ANK2: variants seen among roughly 807,000 people sequenced by gnomAD.
The protein encoded by ANK2 is ankyrin 2, also known as ankyrin-2.
ANK2 carries 83 observed loss-of-function variants against 360.5 expected under a neutral mutation model. The ratio of observed to expected loss-of-function variants is 0.23; its 90% confidence interval spans 0.19 to 0.28. The LOEUF (loss-of-function observed/expected upper bound fraction) is 0.28. ANK2 is among the 10% of genes least tolerant of loss of function. The pLI is 1.00. For missense variants in ANK2, 4,201 were observed against 4,795.7 expected (o/e 0.88, Z 3.66); for synonymous variants, 1,740 against 1,759.5 (o/e 0.99, Z 0.28).
intron 2 of ANK2, among the ~76,000 whole-genome samples, chr4:112,937,328 CT>C (rs10712090): frequency 0.34 from 46,914 of 138,242 alleles, 10,032 homozygotes; most frequent in East Asian, 0.63. Flanking sequence ...CAATTATTGT[CT>C]TTTTTTTTTT....
chr4:112,837,281 C>A (rs933234845), intron 1 of ANK2, among the ~76,000 whole-genome samples: 5 of 152,336 alleles, frequency 3.3e-5, no homozygotes, highest in Middle Eastern at 3.4e-3. Context: ...CCTGTGGGTA[C>A]ACAGAGGCAA....
chr4:113,379,513 T>C (rs1047684726), intron 45 of ANK2, among the ~76,000 whole-genome samples: 2 of 152,184 alleles, frequency 1.3e-5, no homozygotes, highest in African/African-American at 2.4e-5. Flanking sequence ...TCACGAAATG[T>C]CCTATAATGG....
chr4:113,345,304 C>T (rs2094718722), intron 34 of ANK2, among the ~76,000 whole-genome samples: 1 of 152,034 alleles, frequency 6.6e-6, no homozygotes, highest in Non-Finnish European at 1.5e-5. Flanking sequence ...CAATGGGGAG[C>T]TATTGTTCAA....
intron 1 of ANK2, among the ~76,000 whole-genome samples, chr4:112,850,463 T>TC (rs1553943749): frequency 7.9e-6 from 1 of 127,354 alleles, no homozygotes; most frequent in African/African-American, 3.0e-5. Flanking sequence ...TTTTTTTTTT[T>TC]CATAGTGCCT....
At chr4:112,811,092 T>C in the ANK2 span, among the ~76,000 whole-genome samples, 6 of 151,880 alleles carry the variant, frequency 4.0e-5, no homozygotes, top group Middle Eastern at 3.2e-3. Flanking sequence ...CCTGCCACCA[T>C]GCCCGCTAAT....
intron 36 of ANK2, among the ~76,000 whole-genome samples, chr4:113,348,753 A>G (rs777820708): frequency 2.6e-5 from 4 of 152,114 alleles, no homozygotes; most frequent in Non-Finnish European, 4.4e-5. Flanking sequence ...AGGCTATACT[A>G]CATGTGATGA....
At chr4:113,333,310 GT>G in intron 29 of ANK2, 102 bp downstream of exon 29, 2 of 1,305,234 alleles carry the variant, frequency 1.5e-6, no homozygotes, top group Non-Finnish European at 2.2e-6. Context: ...GTGTGTGTGT[GT>G]GTGTGTGTGT....
At position 113,262,366 on chromosome 4, in the gene ANK2, A is replaced by G. The variant is rs111317372; in HGVS notation, c.1387-2531A>G. ...CTCAGCCTCCCAAGTAGCTGGAACT[A>G]CAGGCATGCACCACTATGCCTGGCT... On this transcript the variant is annotated intron_variant, in intron 13 of 45. Coordinates refer to ENST00000357077, the MANE Select transcript of ANK2 (RefSeq NM_001148.6). Among the ~76,000 whole-genome samples the G allele has an allele frequency of 4.2e-4, 64 of 152,202 alleles. 1 individual carries two copies. The highest frequency in any genetic ancestry group is 1.5e-3 in the African/African-American group (63 of 41,540).
chr4:112,737,670 T>C, the ANK2 span, among the ~76,000 whole-genome samples: 1 of 152,214 alleles, frequency 6.6e-6, no homozygotes, highest in African/African-American at 2.4e-5. Context: ...CAGTTCTTGC[T>C]CAGCTGAGTT....
chr4:112,757,146 C>G, the ANK2 span, among the ~76,000 whole-genome samples: 5 of 129,710 alleles, frequency 3.9e-5, no homozygotes. Flanking sequence ...GAGTTTTGCT[C>G]TTGTCACCCA....
chr4:112,955,455 T>G (rs976450079), intron 2 of ANK2, among the ~76,000 whole-genome samples: 1 of 152,150 alleles, frequency 6.6e-6, no homozygotes, highest in African/African-American at 2.4e-5. Context: ...AGAGCGTTAA[T>G]AGTAATGAAG....
Position 113,330,248 on chromosome 4 carries a change from T to G in ANK2, c.2903T>G (p.Phe968Cys). 6.2e-7 allele frequency: 1 copy of G among 1,613,942 alleles called. No homozygotes were observed. Among genetic ancestry groups the G allele is most frequent in the Non-Finnish European group, 8.5e-7 (1 of 1,179,878 alleles). Residue 968 changes from phenylalanine (F) to cysteine (C), a missense_variant and splice_region_variant, in exon 27 of 46, where the codon TTC (phenylalanine) becomes TGC (cysteine). By Grantham distance (205) the Phe-to-Cys change is radical (BLOSUM62 -2). This residue lies in a region of ANK2 where 1,268 missense variants were observed against 1,650.8 expected (regional missense o/e 0.77). Coordinates refer to ENST00000357077, the MANE Select transcript of ANK2 (RefSeq NM_001148.6). ...TAATCTTCTATTTTAATTTTTAGTT[T>G]CCTGGTTAGTTTTATGGTGGATGCC... The part of the protein sequence containing the change: ...ALSSSPIHSG[F>C]LVSFMVDARG...
At chr4:112,840,159 C>T (rs1362588215) in intron 1 of ANK2, among the ~76,000 whole-genome samples, 1 of 152,266 alleles carries the variant, frequency 6.6e-6, no homozygotes, top group Non-Finnish European at 1.5e-5. Flanking sequence ...AACAGGGTTT[C>T]CCAGTGTGGT....
In ANK2 at chr4:113,358,031, C is replaced by A; in HGVS notation, c.9413C>A (p.Ser3138Tyr). 4 of 1,613,986 alleles carry A rather than the reference C, an allele frequency of 2.5e-6. No individual in the cohort carries two copies. The highest frequency in any genetic ancestry group is 3.4e-6 in the Non-Finnish European group (4 of 1,179,958). Residue 3138 changes from serine (S) to tyrosine (Y), a missense_variant, in exon 38 of 46, where the codon TCC (serine) becomes TAC (tyrosine). Physicochemically the swap from Ser to Tyr is moderately radical, Grantham distance 144. Around this residue, in one of 4 missense-constraint regions of ANK2, gnomAD observed 2,642 missense variants for 2,714.5 expected, o/e 0.97. Transcript: ENST00000357077. Reference protein sequence around the residue: ...SFHFFQIGQESREETLSEDVK... With the variant: ...SFHFFQIGQEYREETLSEDVK... ...CACTTTTTCCAAATTGGTCAAGAAT[C>A]CAGGGAAGAGACTCTCTCTGAAGAT... is the stretch of plus-strand genomic sequence containing the variant.
rs34604677 is a variant in ANK2, at chr4:113,151,901, CAAA to C, written c.85-22500_85-22498del. Among the ~76,000 whole-genome samples the C allele has an allele frequency of 1.0e-3, 111 of 108,314 alleles. No homozygotes were observed. In the South Asian group the frequency reaches 0.012, roughly 11 times the overall value. The allele number at this position is 108,314 out of a possible 152,430, so 71.1% of individuals were successfully genotyped here. The stretch of plus-strand genomic sequence containing the variant: ...GAAACATAGTGAAACCCCATCTCTA[CAAA>C]AAAAAAAAAAAAAATTACTAGGTGT... On this transcript the variant is annotated intron_variant, in intron 1 of 45. Transcript: ENST00000357077.
chr4:113,269,763 A>G (rs2057806283), intron 14 of ANK2, among the ~76,000 whole-genome samples: 1 of 152,194 alleles, frequency 6.6e-6, no homozygotes, highest in Non-Finnish European at 1.5e-5. Context: ...CTTTATCAGT[A>G]AAATATGAGG....
intron 1 of ANK2, among the ~76,000 whole-genome samples, chr4:113,058,632 A>G (rs571091943): frequency 5.9e-5 from 9 of 152,254 alleles, no homozygotes; most frequent in Non-Finnish European, 1.0e-4. Context: ...TTCAGAGGGT[A>G]TGGTGGCGGG....
At chr4:112,930,332 C>T (rs2093057342) in intron 2 of ANK2, among the ~76,000 whole-genome samples, 2 of 151,726 alleles carry the variant, frequency 1.3e-5, no homozygotes, top group Admixed American at 6.6e-5. Flanking sequence ...CCTGTAGTCC[C>T]AGCTACTTGG....
At chr4:113,308,816 G>A (rs1408136393) in intron 23 of ANK2, among the ~76,000 whole-genome samples, 1 of 152,136 alleles carries the variant, frequency 6.6e-6, no homozygotes, top group Non-Finnish European at 1.5e-5. Context: ...GACCTCCATA[G>A]AATCTGTAAC....
Sources: allele counts gnomAD v4.1 joint callset (sites outside exome capture counted in the v4.1 genomes callset), GRCh38; gene constraint gnomAD v4.1.1; regional missense constraint gnomAD v4.1.1; transcripts MANE v1.5; gene names NCBI Gene and HGNC (gene_info 2026-07-23, HGNC 2026-07-21).